The following CHODL variants were observed in gnomAD, a reference collection of about 807,000 sequenced individuals.
The protein encoded by CHODL is transmembrane protein MT75.
Under a neutral mutation model 34.5 loss-of-function variants are expected in CHODL, and 29 were observed. That is an observed-to-expected ratio of 0.84 (90% CI 0.63 to 1.15). The LOEUF is 1.15. CHODL is among the 50% of genes most tolerant of loss of function. CHODL has a pLI of 0.00. For synonymous variants in CHODL, 125 were observed against 116.1 expected (o/e 1.08, Z -0.49); for missense variants, 332 against 332.5 (o/e 1.00, Z 0.01).
chr21:18,053,950 A>G (rs1404843861), intron 2 of CHODL, among the ~76,000 whole-genome samples: 1 of 151,856 alleles, frequency 6.6e-6, no homozygotes, highest in African/African-American at 2.4e-5. Flanking sequence ...TATATATCAC[A>G]TATAAAATCA....
At chr21:18,113,283 T>C (rs997873405) in intron 2 of CHODL, among the ~76,000 whole-genome samples, 1 of 152,118 alleles carries the variant, frequency 6.6e-6, no homozygotes, top group African/African-American at 2.4e-5. Context: ...CGGAGAAAAG[T>C]GAATTCTTGC....
intron 2 of CHODL, among the ~76,000 whole-genome samples, chr21:18,043,331 G>A (rs1203873450): frequency 6.6e-6 from 1 of 151,980 alleles, no homozygotes; most frequent in Non-Finnish European, 1.5e-5. Flanking sequence ...CTTGTGGTTT[G>A]TAAGTGAAGT....
chr21:17,946,715 A>C (rs986604838), intron 1 of CHODL, among the ~76,000 whole-genome samples: 25 of 152,206 alleles, frequency 1.6e-4, no homozygotes, highest in African/African-American at 5.8e-4. Flanking sequence ...GGTACAAGTA[A>C]AGCTACCCCT....
intron 2 of CHODL, among the ~76,000 whole-genome samples, chr21:18,143,878 C>T (rs914908976): frequency 5.3e-5 from 8 of 151,996 alleles, no homozygotes; most frequent in East Asian, 1.9e-4. Context: ...ATTATATATT[C>T]GACATTTATT....
At chr21:18,036,176 G>T (rs1302434434) in intron 2 of CHODL, among the ~76,000 whole-genome samples, 2 of 151,884 alleles carry the variant, frequency 1.3e-5, no homozygotes, top group African/African-American at 4.8e-5. Context: ...TATTACTAAG[G>T]CAATACCTTT....
intron 2 of CHODL, among the ~76,000 whole-genome samples, chr21:18,095,403 C>T (rs1173377132): frequency 1.1e-4 from 16 of 151,870 alleles, no homozygotes; most frequent in Admixed American, 1.1e-3. Flanking sequence ...TTTAAAAAAA[C>T]TAAAAGAAAT....
At chr21:18,097,715 C>A (rs962820939) in intron 2 of CHODL, among the ~76,000 whole-genome samples, 2 of 152,000 alleles carry the variant, frequency 1.3e-5, no homozygotes, top group Non-Finnish European at 1.5e-5. Flanking sequence ...ATAGGAAAAA[C>A]CATCATAAAA....
At position 17,999,576 on chromosome 21, in the gene CHODL, AG is replaced by A. The variant is rs1178789458; in HGVS notation, c.-144-28295del. ...GGCGATGCCTCACAATCATGGTGGG[AG>A]ATGAAAGGCACTTCTTACGTGATGG... On this transcript the variant is annotated intron_variant, in intron 1 of 6. Coordinates refer to the CHODL transcript ENST00000400127. 2.0e-5 allele frequency among the ~76,000 whole-genome samples: 3 copies of A among 152,320 alleles called. No individual in the cohort carries two copies. The East Asian group carries it at 5.8e-4, about 29-fold the overall frequency.
At chr21:17,922,495 T>G (rs2063190734) in intron 1 of CHODL, among the ~76,000 whole-genome samples, 1 of 152,150 alleles carries the variant, frequency 6.6e-6, no homozygotes, top group Non-Finnish European at 1.5e-5. Flanking sequence ...TCAAGATGGG[T>G]TGATAAATCT....
intron 2 of CHODL, among the ~76,000 whole-genome samples, chr21:18,125,810 A>G (rs2065536528): frequency 6.6e-6 from 1 of 152,138 alleles, no homozygotes; most frequent in Non-Finnish European, 1.5e-5. Context: ...AACAGCATAA[A>G]AAGAAAAACA....
chr21:18,100,386 A>G (rs1006791810), intron 2 of CHODL, among the ~76,000 whole-genome samples: 5 of 152,134 alleles, frequency 3.3e-5, no homozygotes, highest in Non-Finnish European at 5.9e-5. Context: ...GGTGGAGTAA[A>G]TAACAGAGGA....
chr21:18,175,323 G>A (rs930441976), intron 2 of CHODL, among the ~76,000 whole-genome samples: 1 of 152,176 alleles, frequency 6.6e-6, no homozygotes, highest in African/African-American at 2.4e-5. Flanking sequence ...CCAGGTAGTG[G>A]TGGCTCATGC....
chr21:17,956,141 G>A (rs1234068464), intron 1 of CHODL, among the ~76,000 whole-genome samples: 3 of 136,290 alleles, frequency 2.2e-5, no homozygotes, highest in African/African-American at 7.5e-5. Context: ...TGTTGGAGAT[G>A]GGGCCCAGTG....
chr21:18,250,371 T>C (rs1223333255), intron 1 of CHODL, among the ~76,000 whole-genome samples: 1 of 152,024 alleles, frequency 6.6e-6, no homozygotes, highest in Non-Finnish European at 1.5e-5. Flanking sequence ...ATTTTCCAAC[T>C]GGAAAAGTAG....
intron 5 of CHODL, among the ~76,000 whole-genome samples, chr21:18,264,188 G>A (rs1006221161): frequency 3.9e-5 from 6 of 152,072 alleles, no homozygotes; most frequent in African/African-American, 1.4e-4. Context: ...ATGGAGGAGG[G>A]GATGGGGAGA....
At chr21:18,168,292 C>G (rs2073182898) in intron 2 of CHODL, among the ~76,000 whole-genome samples, 1 of 152,162 alleles carries the variant, frequency 6.6e-6, no homozygotes, top group Non-Finnish European at 1.5e-5. Context: ...ATGTGTACAA[C>G]TATCCTATTA....
chr21:18,198,450 A>G (rs1459450820), intron 2 of CHODL, among the ~76,000 whole-genome samples: 1 of 152,206 alleles, frequency 6.6e-6, no homozygotes, highest in Non-Finnish European at 1.5e-5. Context: ...AGAAGGCAGC[A>G]TTATAGTTAT....
At chr21:18,242,975 C>T (rs1433348182), upstream of CHODL, among the ~76,000 whole-genome samples, 2 of 152,056 alleles carry the variant, frequency 1.3e-5, no homozygotes, top group Admixed American at 1.3e-4. Context: ...CAAAGAAGGA[C>T]CTGTTTACAG....
chr21:17,952,949 C>A (rs889207086), intron 1 of CHODL, among the ~76,000 whole-genome samples: 1 of 152,068 alleles, frequency 6.6e-6, no homozygotes, highest in African/African-American at 2.4e-5. Context: ...CACTTTTAAA[C>A]CATCAGATCT....
Sources: allele counts gnomAD v4.1 joint callset (sites outside exome capture counted in the v4.1 genomes callset), GRCh38; gene constraint gnomAD v4.1.1; transcripts MANE v1.5; gene names NCBI Gene and HGNC (gene_info 2026-07-23, HGNC 2026-07-21).